NUTM2E: variants seen among roughly 807,000 people sequenced by gnomAD.
NUTM2E encodes NUT family member 2E.
A neutral mutation model predicts 26.1 loss-of-function variants in NUTM2E; 3 were observed. The ratio of observed to expected loss-of-function variants is 0.12; its 90% CI spans 0.05 to 0.30. The LOEUF (loss-of-function observed/expected upper bound fraction) is 0.30. Ranked by LOEUF, NUTM2E falls within the 10% of genes least tolerant of loss-of-function variation. NUTM2E has a pLI of 1.00. For missense variants in NUTM2E, 62 were observed against 381.3 expected, an observed-to-expected ratio of 0.16 and a Z score of 6.97; for synonymous variants, 13 against 157.5, an observed-to-expected ratio of 0.08 and a Z score of 6.87.
At chr10:79,834,355 G>T (rs1393666019) in intron 1 of NUTM2E, among the ~76,000 whole-genome samples, 1 of 151,544 alleles carries the variant, frequency 6.6e-6, no homozygotes. Context: ...ATCATAAAAA[G>T]AAAGAAATGT....
At chr10:79,848,172 GCTCC>G (rs1842032784) in intron 7 of NUTM2E, 102 bp downstream of exon 7, 1 of 228,032 alleles carries the variant, frequency 4.4e-6, no homozygotes, top group East Asian at 5.4e-5. Flanking sequence ...AGGGGGATTT[GCTCC>G]CTCCAACAGG....
intron 4 of NUTM2E, among the ~76,000 whole-genome samples, chr10:79,843,489 G>A (rs1423650558): frequency 8.6e-5 from 2 of 23,188 alleles, no homozygotes; most frequent in African/African-American, 1.5e-4. Context: ...AGTGACAGCC[G>A]GGACCATCGA....
At chr10:79,830,365 T>C (rs1040124251) in intron 1 of NUTM2E, among the ~76,000 whole-genome samples, 1 of 151,706 alleles carries the variant, frequency 6.6e-6, no homozygotes, top group Non-Finnish European at 1.5e-5. Context: ...GAATGTGATA[T>C]ATGAAAACAG....
chr10:79,829,815 A>G (rs541285111), intron 1 of NUTM2E, among the ~76,000 whole-genome samples: 2 of 151,718 alleles, frequency 1.3e-5, no homozygotes, highest in South Asian at 2.1e-4. Context: ...TGAAGCACCA[A>G]TGGCCTTGAA....
At chr10:79,838,651 G>A (rs1232009959) in intron 2 of NUTM2E, among the ~76,000 whole-genome samples, 65 bp downstream of exon 2, 6 of 151,248 alleles carry the variant, frequency 4.0e-5, no homozygotes, top group African/African-American at 1.5e-4. Flanking sequence ...AGCTATGAAC[G>A]CTTCCGCCTT....
At chr10:79,832,499 TGTG>T (rs1289429694) in intron 1 of NUTM2E, among the ~76,000 whole-genome samples, 1 of 151,686 alleles carries the variant, frequency 6.6e-6, no homozygotes, top group Non-Finnish European at 1.5e-5. Flanking sequence ...TGAGCTTTCA[TGTG>T]GTAATCTGAG....
At chr10:79,832,050 C>G (rs1841930632) in intron 1 of NUTM2E, among the ~76,000 whole-genome samples, 1 of 152,192 alleles carries the variant, frequency 6.6e-6, no homozygotes, top group South Asian at 2.1e-4. Context: ...TCTTTGATGT[C>G]TCTTCCTATA....
Position 79,848,698 on chromosome 10 carries a change from C to T in NUTM2E, c.1537C>T (p.Pro513Ser). ...AGAGACCAAGGTCCCTGAGGAGATC[C>T]CCCCAGAAGTGGTGCAGGAGTATGT... is the stretch of plus-strand genomic sequence containing the variant. ...PAETKVPEEI[P>S]PEVVQEYVDI... is the part of the protein sequence containing the mutation. The change falls in exon 8 of 10, where the codon CCC becomes TCC. Residue 513 changes from proline to serine, a missense_variant. Coordinates refer to ENST00000429984, the MANE Select transcript of NUTM2E (RefSeq NM_001355263.2). The T allele has an allele frequency of 1.9e-6, 1 of 533,350 alleles. No homozygotes were observed. Among genetic ancestry groups the T allele is most frequent in the East Asian group, 3.3e-5 (1 of 29,946 alleles). 33.0% of individuals were successfully genotyped at this position (533,350 alleles called of 1,614,324 possible).
At chr10:79,832,233 T>C (rs1430735731) in intron 1 of NUTM2E, among the ~76,000 whole-genome samples, 1 of 151,846 alleles carries the variant, frequency 6.6e-6, no homozygotes, top group Non-Finnish European at 1.5e-5. Context: ...TTAAATATTT[T>C]CAATTATTTA....
At chr10:79,834,851 CAAACT>C (rs1316748357) in intron 1 of NUTM2E, among the ~76,000 whole-genome samples, 4 of 150,866 alleles carry the variant, frequency 2.7e-5, no homozygotes, top group African/African-American at 4.9e-5. Flanking sequence ...CACAAACACA[CAAACT>C]AAAGAACTTT....
intron 8 of NUTM2E, among the ~76,000 whole-genome samples, chr10:79,849,096 G>A (rs1374811632): frequency 9.3e-6 from 1 of 107,922 alleles, no homozygotes; most frequent in African/African-American, 3.0e-5. Flanking sequence ...GTGTAGGTGT[G>A]AGTGTGGAGT....
chr10:79,838,973 A>G lies in NUTM2E; in HGVS notation c.-2256A>G, dbSNP rs1841982392. Among the ~76,000 whole-genome samples, 1 of 148,430 alleles carries G rather than the reference A, an allele frequency of 6.7e-6. No individual in the cohort carries two copies. Among genetic ancestry groups the G allele is most frequent in the Non-Finnish European group, 1.5e-5 (1 of 66,820 alleles). On this transcript the variant is annotated 5_prime_UTR_variant, in exon 3 of 10. Transcript: ENST00000429984. ...ACAGGGCAGGCCAGGAGCCCGCCCT[A>G]GGAGGGCCCCGCTGGAGATGTGGAA...
Position 79,828,652 on chromosome 10 carries a change from A to G in NUTM2E, c.-2728+1295A>G, listed in dbSNP as rs1352888077. Reference sequence around the variant, plus strand: ...TTTTGAATGAGGGGCCATACAGCCAAGGATTTAGGATTTCAGCTCAGGAAA... The same window carrying G: ...TTTTGAATGAGGGGCCATACAGCCAGGGATTTAGGATTTCAGCTCAGGAAA... On this transcript the variant is annotated intron_variant, in intron 1 of 9. Transcript: ENST00000429984. Among the ~76,000 whole-genome samples the G allele has an allele frequency of 7.2e-5, 11 of 152,032 alleles. 1 individual carries two copies. Among genetic ancestry groups the G allele is most frequent in the Non-Finnish European group, 4.4e-5 (3 of 67,958 alleles).
Position 79,838,875 on chromosome 10 carries a change from G to T in NUTM2E, c.-2354G>T, listed in dbSNP as rs1211979887. Among the ~76,000 whole-genome samples, 1 of 142,340 alleles carries T rather than the reference G, an allele frequency of 7.0e-6. No homozygotes were observed. Among genetic ancestry groups the T allele is most frequent in the Non-Finnish European group, 1.6e-5 (1 of 63,294 alleles). The allele number at this position is 142,340 out of a possible 152,430, so 93.4% of individuals were successfully genotyped here. ...CTCCCTGCCATCAACCGCCGCAACT[G>T]GCGCTGGGAGCGGTTGAGGGCGGCC... On this transcript the variant is annotated 5_prime_UTR_variant, in exon 3 of 10. Coordinates refer to ENST00000429984, the MANE Select transcript of NUTM2E (RefSeq NM_001355263.2).
chr10:79,827,249 C>G lies in NUTM2E; in HGVS notation c.-2836C>G, dbSNP rs1841890294. Reference sequence around the variant, plus strand: ...GCTAGAGTTGGCTTCAGCGGAATACCTACTGTGCGGGATTATTCAACAAGC... The same window carrying G: ...GCTAGAGTTGGCTTCAGCGGAATACGTACTGTGCGGGATTATTCAACAAGC... On this transcript the variant is annotated 5_prime_UTR_variant, in exon 1 of 10. Coordinates refer to ENST00000429984, the MANE Select transcript of NUTM2E (RefSeq NM_001355263.2). The G allele has an allele frequency of 6.5e-6, 1 of 152,726 alleles. No individual in the cohort carries two copies. Among genetic ancestry groups the G allele is most frequent in the African/African-American group, 2.4e-5 (1 of 41,284 alleles). 9.5% of individuals were successfully genotyped at this position (152,726 alleles called of 1,614,324 possible).
chr10:79,831,826 T>C (rs1480320954), intron 1 of NUTM2E, among the ~76,000 whole-genome samples: 16 of 151,222 alleles, frequency 1.1e-4, no homozygotes, highest in South Asian at 2.1e-4. Context: ...AGATAATTGC[T>C]GTTTTAGTTA....
At chr10:79,827,566 C>CAAAAAAA (rs879172921) in intron 1 of NUTM2E, 1 of 104,610 alleles carries the variant, frequency 9.6e-6, no homozygotes, top group African/African-American at 3.4e-5. Flanking sequence ...CCCATGCTCA[C>CAAAAAAA]AAAAAAAAAA....
At chr10:79,832,002 C>G (rs11196357) in intron 1 of NUTM2E, among the ~76,000 whole-genome samples, 1 of 147,688 alleles carries the variant, frequency 6.8e-6, no homozygotes, top group African/African-American at 2.5e-5. Flanking sequence ...TCATTGTATA[C>G]TGACATGGCA....
chr10:79,827,601 T>C (rs1162185201), intron 1 of NUTM2E: 6 of 149,774 alleles, frequency 4.0e-5, no homozygotes, highest in African/African-American at 1.5e-4. Flanking sequence ...AGTGTAAACA[T>C]ATACATCATC....
Sources: gnomAD v4.1 joint callset for allele counts (sites outside exome capture counted in the v4.1 genomes callset) on GRCh38, gnomAD v4.1.1 for gene constraint, MANE v1.5 for transcripts, NCBI Gene and HGNC (gene_info 2026-07-23, HGNC 2026-07-21) for gene names.